Variants in NAALADL2 observed in about 807,000 individuals in gnomAD.
NAALADL2 encodes the protein N-acetylated alpha-linked acidic dipeptidase like 2.
A neutral mutation model predicts 87.2 loss-of-function variants in NAALADL2; 76 were observed. The observed-to-expected ratio is 0.87, with a 90% CI of 0.72 to 1.05. NAALADL2 has a LOEUF of 1.05. Among genes scored for constraint, NAALADL2 ranks in the 50% least tolerant of loss-of-function variants. NAALADL2 has a pLI of 0.00. For synonymous variants in NAALADL2, 354 were observed against 331.0 expected (o/e 1.07, Z -0.75); for missense variants, 1,089 against 945.8 (o/e 1.15, Z -1.99).
chr3:174,886,632 G>A (rs1268292776), intron 1 of NAALADL2, among the ~76,000 whole-genome samples: 1 of 152,128 alleles, frequency 6.6e-6, no homozygotes, highest in Non-Finnish European at 1.5e-5. Flanking sequence ...ATATTCTCCT[G>A]GTGCCAGACT....
chr3:175,167,011 T>C (rs1580765038), intron 2 of NAALADL2, among the ~76,000 whole-genome samples: 1 of 152,066 alleles, frequency 6.6e-6, no homozygotes, highest in East Asian at 1.9e-4. Context: ...ATATTTTCTT[T>C]CACTTCCTAA....
intron 2 of NAALADL2, among the ~76,000 whole-genome samples, chr3:174,644,638 T>C (rs1723596218): frequency 6.6e-6 from 1 of 152,148 alleles, no homozygotes; most frequent in Admixed American, 6.5e-5. Flanking sequence ...GTTTAGCTGA[T>C]ACTATGGAGA....
intron 4 of NAALADL2, among the ~76,000 whole-genome samples, chr3:175,276,278 G>C (rs1049997339): frequency 6.6e-6 from 1 of 150,532 alleles, no homozygotes; most frequent in Non-Finnish European, 1.5e-5. Context: ...GCCCTAAAAA[G>C]GTTTTTGTCG....
intron 1 of NAALADL2, among the ~76,000 whole-genome samples, chr3:174,921,790 G>C (rs1382611621): frequency 6.6e-5 from 8 of 120,546 alleles, no homozygotes; most frequent in Admixed American, 1.1e-4. Flanking sequence ...GGGCAACAGA[G>C]CAAGACTCCG....
At chr3:174,867,871 G>C (rs1409036637) in intron 1 of NAALADL2, among the ~76,000 whole-genome samples, 1 of 151,954 alleles carries the variant, frequency 6.6e-6, no homozygotes, top group Non-Finnish European at 1.5e-5. Flanking sequence ...CAAAATTAGA[G>C]AATTTATTCC....
intron 1 of NAALADL2, among the ~76,000 whole-genome samples, chr3:175,061,082 G>A (rs1713378757): frequency 1.3e-5 from 2 of 151,988 alleles, no homozygotes; most frequent in Admixed American, 1.3e-4. Flanking sequence ...GAAGCATAAT[G>A]TATTTGTAAT....
At chr3:175,611,805 TCATTGAGA>T (rs1268843303) in intron 10 of NAALADL2, among the ~76,000 whole-genome samples, 1 of 152,146 alleles carries the variant, frequency 6.6e-6, no homozygotes, top group African/African-American at 2.4e-5. Flanking sequence ...TCAGAGACAC[TCATTGAGA>T]GACAAACTAA....
chr3:175,072,940 G>A lies in NAALADL2; in HGVS notation c.44-23850G>A, dbSNP rs145846902. ...AAATGATTGCAATGAAAATTTATAT[G>A]CATGCAATTTTGTTTTATTTTCTTT... On this transcript the variant is annotated intron_variant, in intron 1 of 13. Transcript: ENST00000454872. Among the ~76,000 whole-genome samples the A allele has an allele frequency of 9.6e-3, 1,456 of 151,958 alleles. 17 individuals carry two copies. Among genetic ancestry groups the A allele is most frequent in the Non-Finnish European group, 0.013 (883 of 67,890 alleles).
At chr3:174,677,995 A>G (rs1012953244) in intron 2 of NAALADL2, among the ~76,000 whole-genome samples, 6 of 152,192 alleles carry the variant, frequency 3.9e-5, no homozygotes, top group Admixed American at 3.9e-4. Context: ...TTCAGCCTCA[A>G]CTGGGCTTGT....
At chr3:174,797,340 C>G (rs1718261250) in intron 3 of NAALADL2, among the ~76,000 whole-genome samples, 1 of 96,216 alleles carries the variant, frequency 1.0e-5, no homozygotes, top group Non-Finnish European at 1.8e-5. Context: ...GAGACAGAGT[C>G]TCGCTTTGTC....
intron 3 of NAALADL2, among the ~76,000 whole-genome samples, chr3:175,248,903 T>A (rs1210095948): frequency 6.6e-6 from 1 of 152,178 alleles, no homozygotes; most frequent in African/African-American, 2.4e-5. Context: ...TTTCAATGAA[T>A]AATATAGCTG....
intron 2 of NAALADL2, among the ~76,000 whole-genome samples, chr3:174,605,386 A>G (rs1226438741): frequency 6.6e-6 from 1 of 152,204 alleles, no homozygotes; most frequent in East Asian, 1.9e-4. Flanking sequence ...CGGGAAGCAC[A>G]AGGGGTCAGG....
chr3:175,275,499 G>A (rs958536338), intron 4 of NAALADL2, among the ~76,000 whole-genome samples: 1 of 151,920 alleles, frequency 6.6e-6, no homozygotes, highest in African/African-American at 2.4e-5. Flanking sequence ...GTATCTTATG[G>A]GGCAACATTC....
At chr3:174,536,437 T>C (rs528006617) in intron 1 of NAALADL2, among the ~76,000 whole-genome samples, 1 of 152,274 alleles carries the variant, frequency 6.6e-6, no homozygotes, top group African/African-American at 2.4e-5. Flanking sequence ...TTAAAGCAAC[T>C]GTCAAGATTC....
chr3:174,941,499 A>T (rs2861899), intron 1 of NAALADL2, among the ~76,000 whole-genome samples: 2 of 151,828 alleles, frequency 1.3e-5, no homozygotes, highest in African/African-American at 4.8e-5. Flanking sequence ...AGTCCGGTAG[A>T]GGTCTATTAG....
intron 9 of NAALADL2, among the ~76,000 whole-genome samples, chr3:175,568,300 T>G (rs1717532785): frequency 6.6e-6 from 1 of 152,122 alleles, no homozygotes; most frequent in African/African-American, 2.4e-5. Flanking sequence ...GGTTCACATT[T>G]TGGCATAAAA....
chr3:174,482,412 C>T (rs1269544092), intron 1 of NAALADL2, among the ~76,000 whole-genome samples: 1 of 151,998 alleles, frequency 6.6e-6, no homozygotes, highest in Non-Finnish European at 1.5e-5. Flanking sequence ...GTGCTGAGCA[C>T]TGAAAATATT....
intron 9 of NAALADL2, among the ~76,000 whole-genome samples, chr3:175,568,011 C>T (rs6788810): frequency 0.64 from 97,599 of 151,914 alleles, 34,011 homozygotes; most frequent in East Asian, 0.85. Flanking sequence ...CCACTGCGCC[C>T]GGCCCCAAAA....
chr3:174,472,230 C>T (rs1716949967), intron 1 of NAALADL2, among the ~76,000 whole-genome samples: 1 of 152,186 alleles, frequency 6.6e-6, no homozygotes. Context: ...TCAGTTGGCT[C>T]TTAGCTATGT....
Sources: gnomAD v4.1 joint callset for allele counts (sites outside exome capture counted in the v4.1 genomes callset) on GRCh38, gnomAD v4.1.1 for gene constraint, MANE v1.5 for transcripts, NCBI Gene and HGNC (gene_info 2026-07-23, HGNC 2026-07-21) for gene names.